The following ENPP3 variants were observed in gnomAD, a reference collection of about 807,000 sequenced individuals.
The protein encoded by ENPP3 is ectonucleotide pyrophosphatase/phosphodiesterase 3, also known as ectonucleotide pyrophosphatase/phosphodiesterase family member 3.
A neutral mutation model predicts 117.8 loss-of-function variants in ENPP3; 104 were observed. That is an observed-to-expected ratio of 0.88 (90% CI 0.75 to 1.04). The LOEUF (loss-of-function observed/expected upper bound fraction) is 1.04. ENPP3 is among the 50% of genes least tolerant of loss of function. ENPP3 has a pLI of 0.00. For missense variants in ENPP3, 1,026 were observed against 1,051.9 expected (o/e 0.98, Z 0.34); for synonymous variants, 380 against 349.9 (o/e 1.09, Z -0.96).
chr6:131,726,026 TTA>T lies in ENPP3; in HGVS notation c.1799-18_1799-17del. On this transcript the variant is annotated intron_variant, in intron 19 of 24. Coordinates refer to ENST00000357639, the MANE Select transcript of ENPP3 (RefSeq NM_005021.5). ...TGCTAATTTCATGAACCTTTTTATT[TTA>T]TGTTATTTTAATTTTAGTAACAGCA... is the stretch of plus-strand genomic sequence containing the variant. The T allele has an allele frequency of 5.1e-6, 8 of 1,582,622 alleles. No individual in the cohort carries two copies. The highest frequency in any genetic ancestry group is 6.9e-6 in the Non-Finnish European group (8 of 1,154,590).
At chr6:131,694,807 C>T (rs1307308661) in intron 15 of ENPP3, among the ~76,000 whole-genome samples, 1 of 148,346 alleles carries the variant, frequency 6.7e-6, no homozygotes, top group African/African-American at 2.5e-5. Flanking sequence ...GCACTCCAGC[C>T]TAGGCGACAG....
intron 2 of ENPP3, among the ~76,000 whole-genome samples, chr6:131,648,917 C>G (rs1196099678): frequency 6.6e-6 from 1 of 152,198 alleles, no homozygotes; most frequent in East Asian, 1.9e-4. Context: ...GTTTATGTCT[C>G]TCTTTCCTGA....
chr6:131,689,508 T>C (rs752447281), intron 14 of ENPP3, among the ~76,000 whole-genome samples: 2 of 152,150 alleles, frequency 1.3e-5, no homozygotes, highest in African/African-American at 4.8e-5. Flanking sequence ...TATTTTAAAC[T>C]CACTGTTGAG....
intron 3 of ENPP3, 64 bp downstream of exon 3, chr6:131,650,213 T>G: frequency 6.3e-7 from 1 of 1,586,446 alleles, no homozygotes; most frequent in East Asian, 2.2e-5. Flanking sequence ...CATGTCAAAT[T>G]TTTTTCTTTT....
In ENPP3 at chr6:131,713,231, A is replaced by G. The variant is rs894775684; in HGVS notation, c.1413-5441A>G. 8.8e-4 allele frequency among the ~76,000 whole-genome samples: 125 copies of G among 142,810 alleles called. 1 individual carries two copies. Among genetic ancestry groups the G allele is most frequent in the Admixed American group, 1.6e-3 (23 of 14,256 alleles). The allele number at this position is 142,810 out of a possible 152,430, so 93.7% of individuals were successfully genotyped here. A position where few individuals can be genotyped will look rare whatever the true frequency, so the allele number is the denominator to read the frequency against. The stretch of plus-strand genomic sequence containing the variant: ...TGTGAGTTCTCCCCAGCCATGTGGA[A>G]CTGTGAGTTCACTAAACCTCTTTCT... On this transcript the variant is annotated intron_variant, in intron 15 of 24. Transcript: ENST00000357639.
chr6:131,667,906 G>A (rs547190029), intron 6 of ENPP3, among the ~76,000 whole-genome samples: 1 of 152,242 alleles, frequency 6.6e-6, no homozygotes, highest in East Asian at 1.9e-4. Flanking sequence ...TGTGCCAAGG[G>A]ATTGAATGCA....
rs375544114 is a variant in ENPP3, at chr6:131,685,575, T to C, written c.1252+80T>C. ...ATAGTCCACTAATTCTGAGAGGAAG[T>C]TGGGGTTATCAGACCCTCTACTGAC... On this transcript the variant is annotated intron_variant, in intron 13 of 24. Transcript: ENST00000357639. 7.5e-6 allele frequency: 11 copies of C among 1,457,486 alleles called. No homozygotes were observed. The African/African-American group carries it at 1.1e-4, about 15-fold the overall frequency. 90.3% of individuals were successfully genotyped at this position (1,457,486 alleles called of 1,614,324 possible).
Position 131,720,387 on chromosome 6 carries a change from T to G in ENPP3, c.1567+8T>G. On this transcript the variant is annotated splice_region_variant and intron_variant, in intron 17 of 24. Coordinates refer to ENST00000357639, the MANE Select transcript of ENPP3 (RefSeq NM_005021.5). ...TCTATAACCTAATGTGTGGTAAGTATATTTAAATAAGTTCGCCAACAAAAT... is the reference window on the plus strand; with the variant it reads ...TCTATAACCTAATGTGTGGTAAGTAGATTTAAATAAGTTCGCCAACAAAAT... 1 of 1,420,008 alleles carries G rather than the reference T, an allele frequency of 7.0e-7. No individual in the cohort carries two copies. The highest frequency in any genetic ancestry group is 9.7e-7 in the Non-Finnish European group (1 of 1,029,842). 88.0% of individuals were successfully genotyped at this position (1,420,008 alleles called of 1,614,324 possible).
chr6:131,657,438 C>T (rs983469707), intron 5 of ENPP3, among the ~76,000 whole-genome samples: 4 of 152,048 alleles, frequency 2.6e-5, no homozygotes, highest in Non-Finnish European at 5.9e-5. Context: ...TGTCTTAGGT[C>T]GGAAACCTAA....
intron 7 of ENPP3, 118 bp downstream of exon 7, chr6:131,671,445 G>A: frequency 1.5e-6 from 1 of 684,254 alleles, no homozygotes; most frequent in Admixed American, 2.4e-5. Context: ...CACATGGGGG[G>A]ATAGTTCATG....
At chr6:131,693,302 T>C (rs1329997657) in intron 14 of ENPP3, among the ~76,000 whole-genome samples, 195 bp from the exon 15 acceptor site, 1 of 149,562 alleles carries the variant, frequency 6.7e-6, no homozygotes, top group Non-Finnish European at 1.5e-5. Context: ...GCAACCTGAT[T>C]ATCATTGCAA....
chr6:131,696,450 G>A (rs1011151771), intron 15 of ENPP3, among the ~76,000 whole-genome samples: 3 of 152,188 alleles, frequency 2.0e-5, no homozygotes, highest in African/African-American at 4.8e-5. Context: ...TTCCTGGTAG[G>A]GGTGGTTGCT....
At chr6:131,665,147 G>T (rs1024508477) in intron 6 of ENPP3, among the ~76,000 whole-genome samples, 4 of 152,010 alleles carry the variant, frequency 2.6e-5, no homozygotes, top group African/African-American at 9.7e-5. Context: ...GTTGAATTTG[G>T]TTTGCTAGTA....
intron 2 of ENPP3, among the ~76,000 whole-genome samples, chr6:131,642,144 T>C (rs1177496820): frequency 6.6e-6 from 1 of 152,098 alleles, no homozygotes; most frequent in African/African-American, 2.4e-5. Flanking sequence ...AGCCTTTTCA[T>C]TCTGCTCCCA....
chr6:131,687,231 T>A (rs1366957831), intron 14 of ENPP3, among the ~76,000 whole-genome samples: 1 of 152,172 alleles, frequency 6.6e-6, no homozygotes, highest in Non-Finnish European at 1.5e-5. Context: ...AGATGGTATC[T>A]CATTGTGGTT....
chr6:131,663,961 G>A (rs1179916402), intron 6 of ENPP3, among the ~76,000 whole-genome samples: 1 of 152,082 alleles, frequency 6.6e-6, no homozygotes, highest in Non-Finnish European at 1.5e-5. Flanking sequence ...AAACTCCTGG[G>A]CTCAGGCGAT....
chr6:131,710,629 G>T, intron 15 of ENPP3: 1 of 1,613,246 alleles, frequency 6.2e-7, no homozygotes, highest in Non-Finnish European at 8.5e-7. Flanking sequence ...TTCACAGGTT[G>T]CCTCCAAACT....
chr6:131,684,909 C>A (rs6922673), intron 12 of ENPP3, among the ~76,000 whole-genome samples: 12,363 of 151,848 alleles, frequency 0.081, 848 homozygotes, highest in East Asian at 0.33. Context: ...CTTAGCCTCT[C>A]GAGTAAATGG....
chr6:131,671,610 T>G (rs987464616), intron 7 of ENPP3, among the ~76,000 whole-genome samples: 2 of 152,226 alleles, frequency 1.3e-5, no homozygotes, highest in African/African-American at 4.8e-5. Context: ...CCTCTGATCT[T>G]TCGATTGCCC....
Sources: allele counts gnomAD v4.1 joint callset (sites outside exome capture counted in the v4.1 genomes callset), GRCh38; gene constraint gnomAD v4.1.1; transcripts MANE v1.5; gene names NCBI Gene and HGNC (gene_info 2026-07-23, HGNC 2026-07-21).